The following PDE4D variants were observed in gnomAD, a reference collection of about 807,000 sequenced individuals.
The protein encoded by PDE4D is 3',5'-cyclic-AMP phosphodiesterase 4D.
A neutral mutation model predicts 87.4 loss-of-function variants in PDE4D; 24 were observed. That is an observed-to-expected ratio of 0.27 (90% CI 0.20 to 0.39). The LOEUF is 0.39. PDE4D is among the 10% of genes least tolerant of loss of function. The pLI is 1.00. For synonymous variants in PDE4D, 384 were observed against 383.2 expected, an observed-to-expected ratio of 1.00 and a Z score of -0.02; for missense variants, 714 against 1,041.0, an observed-to-expected ratio of 0.69 and a Z score of 4.32.
chr5:59,151,986 G>A (rs1194664729), intron 5 of PDE4D, among the ~76,000 whole-genome samples: 1 of 152,088 alleles, frequency 6.6e-6, no homozygotes, highest in Non-Finnish European at 1.5e-5. Flanking sequence ...CATGTGAAAA[G>A]GAGAAGATCG....
At chr5:59,558,002 G>A (rs1819260774) in intron 1 of PDE4D, among the ~76,000 whole-genome samples, 2 of 152,094 alleles carry the variant, frequency 1.3e-5, no homozygotes, top group South Asian at 4.1e-4. Flanking sequence ...TGGCTCTAGA[G>A]GGCATACACC....
At chr5:60,022,627 C>A (rs992993501) in intron 2 of PDE4D, 1 of 152,228 alleles carries the variant, frequency 6.6e-6, no homozygotes, top group African/African-American at 2.4e-5. Flanking sequence ...CTCAATGTCC[C>A]TCTCAGCCTG....
chr5:59,668,922 A>AAGAAGAAG (rs199660442), intron 1 of PDE4D, among the ~76,000 whole-genome samples: 133 of 56,716 alleles, frequency 2.3e-3, no homozygotes, highest in East Asian at 4.4e-3. Flanking sequence ...GAAGAAGAAG[A>AAGAAGAAG]AAGAAAGAAA....
intron 1 of PDE4D, among the ~76,000 whole-genome samples, chr5:60,269,222 G>A (rs1023153709): frequency 7.9e-5 from 12 of 152,170 alleles, no homozygotes; most frequent in African/African-American, 1.9e-4. Context: ...TAGGAGAATC[G>A]CTTGAACCCG....
intron 1 of PDE4D, among the ~76,000 whole-genome samples, chr5:60,356,225 A>T (rs2149940642): frequency 6.6e-6 from 1 of 152,130 alleles, no homozygotes; most frequent in East Asian, 1.9e-4. Context: ...TAATATTAAC[A>T]GTGTTCTCAC....
At chr5:60,374,182 A>G (rs775786678) in intron 1 of PDE4D, among the ~76,000 whole-genome samples, 2 of 152,200 alleles carry the variant, frequency 1.3e-5, no homozygotes, top group Non-Finnish European at 1.5e-5. Context: ...TTCAAAAACA[A>G]TCCCCCAAAA....
At chr5:59,899,205 T>C (rs1751973329) in intron 3 of PDE4D, among the ~76,000 whole-genome samples, 1 of 152,154 alleles carries the variant, frequency 6.6e-6, no homozygotes, top group Non-Finnish European at 1.5e-5. Flanking sequence ...CAGTGGGGAC[T>C]AAAGAACTGT....
In PDE4D at chr5:59,702,025, A is replaced by G. The variant is rs574573996; in HGVS notation, c.455+191143T>C. On this transcript the variant is annotated intron_variant, in intron 1 of 14. Coordinates refer to ENST00000340635, the MANE Select transcript of PDE4D (RefSeq NM_001104631.2). Reference sequence around the variant, plus strand: ...CACTGGTCAATAGAAATATGACAGAAAAGAATGAAGAGGGAAGCTAGGTGA... The same window carrying G: ...CACTGGTCAATAGAAATATGACAGAGAAGAATGAAGAGGGAAGCTAGGTGA... 3.9e-5 allele frequency among the ~76,000 whole-genome samples: 6 copies of G among 152,362 alleles called. No homozygotes were observed. The East Asian group carries it at 7.7e-4, about 20-fold the overall frequency.
chr5:59,691,835 T>A, intron 1 of PDE4D, among the ~76,000 whole-genome samples: 1 of 152,248 alleles, frequency 6.6e-6, no homozygotes, highest in Middle Eastern at 3.4e-3. Context: ...TACTTTCCTT[T>A]CATTCAATAA....
At chr5:60,254,297 T>C (rs1404821164) in intron 1 of PDE4D, among the ~76,000 whole-genome samples, 2 of 151,940 alleles carry the variant, frequency 1.3e-5, no homozygotes, top group African/African-American at 4.8e-5. Flanking sequence ...CCTTTTAAGA[T>C]GCTCAATTCA....
chr5:60,519,360 A>G (rs532049820), intron 1 of PDE4D, among the ~76,000 whole-genome samples: 1 of 152,376 alleles, frequency 6.6e-6, no homozygotes, highest in East Asian at 1.9e-4. Context: ...ATTTAAGAAC[A>G]AAAAGGTCAG....
intron 1 of PDE4D, among the ~76,000 whole-genome samples, chr5:60,509,437 G>T (rs1420466903): frequency 6.6e-6 from 1 of 152,180 alleles, no homozygotes; most frequent in Non-Finnish European, 1.5e-5. Flanking sequence ...TTGCTTTTGG[G>T]ATTACAGATA....
At chr5:59,894,198 C>T (rs1751390911), upstream of PDE4D, among the ~76,000 whole-genome samples, 2 of 152,084 alleles carry the variant, frequency 1.3e-5, no homozygotes. Context: ...CGCCTCCCTC[C>T]TCCACACTGC....
chr5:59,351,331 A>G (rs918836949), intron 1 of PDE4D, among the ~76,000 whole-genome samples: 4 of 152,160 alleles, frequency 2.6e-5, no homozygotes, highest in African/African-American at 7.2e-5. Context: ...ACAATGTGCA[A>G]TGGTTGTTAG....
At chr5:60,172,433 C>T (rs1783547716) in intron 2 of PDE4D, among the ~76,000 whole-genome samples, 1 of 151,976 alleles carries the variant, frequency 6.6e-6, no homozygotes, top group South Asian at 2.1e-4. Flanking sequence ...GGGACAGGTG[C>T]TTCACCAACC....
At chr5:59,617,468 C>T (rs1018565066) in intron 1 of PDE4D, among the ~76,000 whole-genome samples, 6 of 152,130 alleles carry the variant, frequency 3.9e-5, no homozygotes, top group Non-Finnish European at 5.9e-5. Context: ...ACTCCTCGTA[C>T]GTGAGAATGT....
intron 6 of PDE4D, among the ~76,000 whole-genome samples, chr5:59,020,724 C>T (rs919490362): frequency 1.3e-5 from 2 of 151,484 alleles, no homozygotes; most frequent in East Asian, 1.9e-4. Flanking sequence ...GAACAAAGTC[C>T]GACTCCTCTG....
chr5:59,957,952 T>C (rs1397220186), intron 3 of PDE4D, among the ~76,000 whole-genome samples: 1 of 152,126 alleles, frequency 6.6e-6, no homozygotes, highest in Non-Finnish European at 1.5e-5. Flanking sequence ...TCCTGATTTA[T>C]AGAGATAACA....
chr5:60,172,470 C>T (rs760838295), intron 2 of PDE4D, among the ~76,000 whole-genome samples: 1 of 152,032 alleles, frequency 6.6e-6, no homozygotes, highest in Non-Finnish European at 1.5e-5. Flanking sequence ...GCTTCCTCTG[C>T]ACAGTTGTTC....
Sources: gnomAD v4.1 joint callset for allele counts (sites outside exome capture counted in the v4.1 genomes callset) on GRCh38, gnomAD v4.1.1 for gene constraint, MANE v1.5 for transcripts, NCBI Gene and HGNC (gene_info 2026-07-23, HGNC 2026-07-21) for gene names.